HNRNPLL: variants seen among roughly 807,000 people sequenced by gnomAD.
HNRNPLL encodes the protein heterogeneous nuclear ribonucleoprotein L-like.
A neutral mutation model predicts 67.1 loss-of-function variants in HNRNPLL; 25 were observed. That is an observed-to-expected ratio of 0.37 (90% CI 0.27 to 0.52). The LOEUF (loss-of-function observed/expected upper bound fraction) is 0.52, where lower values mean the gene tolerates loss of function less well. Among genes scored for constraint, HNRNPLL ranks in the 20% least tolerant of loss-of-function variants. HNRNPLL has a pLI of 0.90. For synonymous variants in HNRNPLL, 267 were observed against 241.7 expected, an observed-to-expected ratio of 1.10 and a Z score of -0.97; for missense variants, 542 against 673.9, an observed-to-expected ratio of 0.80 and a Z score of 2.17.
At chr2:38,574,299 A>T (rs925353480) in intron 7 of HNRNPLL, among the ~76,000 whole-genome samples, 1 of 151,822 alleles carries the variant, frequency 6.6e-6, no homozygotes, top group African/African-American at 2.4e-5. Flanking sequence ...TTTTACAGCA[A>T]TAAGAAGAAA....
Position 38,591,610 on chromosome 2 carries a change from G to T in HNRNPLL, c.228C>A (p.Pro76=). 2 of 1,613,422 alleles carry T rather than the reference G, an allele frequency of 1.2e-6. No individual in the cohort carries two copies. Among genetic ancestry groups the T allele is most frequent in the South Asian group, 1.1e-5 (1 of 91,062 alleles). Residue 76 remains proline, a synonymous_variant, in exon 2 of 13, where the codon CCC becomes CCA. Transcript: ENST00000449105. ...GGSHHKVSVS[P]VVHVRGLCES... ...CACAGAGTCCTCGAACATGGACGAC[G>T]GGTGAAACAGAAACTTTATGATGAC... is the stretch of plus-strand genomic sequence containing the variant.
intron 7 of HNRNPLL, among the ~76,000 whole-genome samples, chr2:38,575,544 G>T (rs1207996451): frequency 5.3e-5 from 8 of 151,722 alleles, no homozygotes; most frequent in Non-Finnish European, 1.2e-4. Flanking sequence ...CATTAAGTCT[G>T]GGCTTCCCAA....
At chr2:38,592,939 TTTTC>T (rs1307338995) in intron 1 of HNRNPLL, among the ~76,000 whole-genome samples, 2 of 152,210 alleles carry the variant, frequency 1.3e-5, no homozygotes, top group African/African-American at 4.8e-5. Context: ...ACTCACCAAT[TTTTC>T]TTTATTATAA....
chr2:38,599,819 A>G (rs569627710), intron 1 of HNRNPLL: 1 of 459,350 alleles, frequency 2.2e-6, no homozygotes, highest in Non-Finnish European at 4.5e-6. Flanking sequence ...AAACCAAGCA[A>G]TGTAAATCTT....
chr2:38,576,758 G>A (rs1400435550), intron 7 of HNRNPLL, among the ~76,000 whole-genome samples: 1 of 151,804 alleles, frequency 6.6e-6, no homozygotes, highest in East Asian at 1.9e-4. Context: ...ATAGTATTGT[G>A]CTTCAACTTT....
chr2:38,571,516 C>G (rs1262427291), intron 8 of HNRNPLL, among the ~76,000 whole-genome samples: 1 of 152,110 alleles, frequency 6.6e-6, no homozygotes, highest in African/African-American at 2.4e-5. Flanking sequence ...CTTCAACTAC[C>G]CACTTTAATA....
At chr2:38,576,847 G>T (rs1666318838) in intron 7 of HNRNPLL, among the ~76,000 whole-genome samples, 1 of 151,860 alleles carries the variant, frequency 6.6e-6, no homozygotes, top group Non-Finnish European at 1.5e-5. Context: ...CTAGTTAAAA[G>T]ATTCTACTTA....
chr2:38,573,576 T>C, intron 7 of HNRNPLL, 149 bp from the exon 8 acceptor site: 1 of 612,340 alleles, frequency 1.6e-6, no homozygotes, highest in South Asian at 2.1e-5. Flanking sequence ...TGTATGAATA[T>C]TTCAGTATAA....
intron 7 of HNRNPLL, among the ~76,000 whole-genome samples, chr2:38,577,180 C>CT (rs1461886931): frequency 6.6e-6 from 1 of 151,856 alleles, no homozygotes; most frequent in Non-Finnish European, 1.5e-5. Flanking sequence ...CTCTTACAAG[C>CT]CAGAACCCAT....
intron 6 of HNRNPLL, among the ~76,000 whole-genome samples, chr2:38,577,760 G>A (rs1159432211): frequency 6.6e-6 from 1 of 151,856 alleles, no homozygotes; most frequent in Non-Finnish European, 1.5e-5. Flanking sequence ...TATCTTTTTG[G>A]CAAATGCCAA....
At chr2:38,574,815 T>G (rs1438294083) in intron 7 of HNRNPLL, among the ~76,000 whole-genome samples, 1 of 151,924 alleles carries the variant, frequency 6.6e-6, no homozygotes, top group Non-Finnish European at 1.5e-5. Flanking sequence ...ACAATCCATA[T>G]GAGCGACTGT....
In HNRNPLL at chr2:38,568,249, T is replaced by C; in HGVS notation, c.1523A>G (p.Asp508Gly). The change falls in exon 12 of 13, where the codon GAT becomes GGT. Residue 508 changes from aspartate to glycine, a missense_variant. Around this residue, in one of 2 missense-constraint regions of HNRNPLL, gnomAD observed 415 missense variants for 575.2 expected, o/e 0.72. Transcript: ENST00000449105. ...SGLLEWECKT[D>G]AVEALTALNH... The stretch of plus-strand genomic sequence containing the variant: ...CAGTGCCGTAAGGGCTTCTACTGCA[T>C]CAGTTTTGCACTCCCATTCTAATAG... 6.2e-7 allele frequency: 1 copy of C among 1,613,702 alleles called. No homozygotes were observed. The highest frequency in any genetic ancestry group is 8.5e-7 in the Non-Finnish European group (1 of 1,179,746).
At chr2:38,599,425 A>G (rs1340535352) in intron 1 of HNRNPLL, among the ~76,000 whole-genome samples, 2 of 152,212 alleles carry the variant, frequency 1.3e-5, no homozygotes, top group Non-Finnish European at 2.9e-5. Flanking sequence ...CAGAAACTTA[A>G]TATGATCTTG....
intron 2 of HNRNPLL, among the ~76,000 whole-genome samples, chr2:38,590,912 G>T (rs1312903373): frequency 2.6e-5 from 4 of 152,110 alleles, no homozygotes; most frequent in African/African-American, 9.7e-5. Flanking sequence ...GGATAAAATG[G>T]GAGGATAACC....
chr2:38,568,418 G>T lies in HNRNPLL; in HGVS notation c.1442C>A (p.Thr481Lys), dbSNP rs770378810. 7 of 1,607,034 alleles carry T rather than the reference G, an allele frequency of 4.4e-6. No individual in the cohort carries two copies. The South Asian group carries it at 4.4e-5, about 10-fold the overall frequency. The part of the protein sequence containing the change: ...TKLCNDHEVL[T>K]FIKYKVFDAK... ...ATCAAACACTTTATATTTGATGAAT[G>T]TAAGAACTTCATGGTCATTACACAA... Residue 481 changes from threonine to lysine, a missense_variant, in exon 11 of 13, where the codon ACA becomes AAA. Thr to Lys is a moderately conservative substitution (Grantham distance 78). Coordinates refer to ENST00000449105, the MANE Select transcript of HNRNPLL (RefSeq NM_138394.4).
At position 38,586,045 on chromosome 2, in the gene HNRNPLL, G is replaced by A. The variant is rs569388676; in HGVS notation, c.309-164C>T. 2.2e-3 allele frequency among the ~76,000 whole-genome samples: 320 copies of A among 147,156 alleles called. 1 individual carries two copies. The highest frequency in any genetic ancestry group is 3.8e-3 in the Non-Finnish European group (253 of 67,322). ...GTCAACTTTTTTTTTTTTTTGAGAC[G>A]GAGTCTTTCTCTGTCGCCCAGGCTG... On this transcript the variant is annotated intron_variant, in intron 2 of 12. Coordinates refer to ENST00000449105, the MANE Select transcript of HNRNPLL (RefSeq NM_138394.4).
intron 1 of HNRNPLL, among the ~76,000 whole-genome samples, chr2:38,601,367 G>A (rs1340629022): frequency 6.6e-6 from 1 of 152,046 alleles, no homozygotes; most frequent in Non-Finnish European, 1.5e-5. Context: ...ATTTTTAAAA[G>A]GTAAGGTAAA....
At position 38,569,121 on chromosome 2, in the gene HNRNPLL, T is replaced by A. The variant is rs1449062410; in HGVS notation, c.1416+12A>T. On this transcript the variant is annotated intron_variant, in intron 10 of 12. Coordinates refer to ENST00000449105, the MANE Select transcript of HNRNPLL (RefSeq NM_138394.4). ...AGCAACATTCTATACACATTTGTAT[T>A]TCAGTGCCTACCTTTGTGAAGGTCT... is the stretch of plus-strand genomic sequence containing the variant. 1.3e-6 allele frequency: 2 copies of A among 1,555,180 alleles called. No individual in the cohort carries two copies. Among genetic ancestry groups the A allele is most frequent in the Non-Finnish European group, 1.8e-6 (2 of 1,126,450 alleles).
In HNRNPLL at chr2:38,602,891, C is replaced by T. The variant is rs1229086766; in HGVS notation, c.-265G>A. On this transcript the variant is annotated 5_prime_UTR_variant, in exon 1 of 13. Coordinates refer to ENST00000449105, the MANE Select transcript of HNRNPLL (RefSeq NM_138394.4). ...ATTCAGCCTCTCCCTCCTCCTCCTCCGTCTCCGCTCCCTGCCCGGAGGAGC... is the reference window on the plus strand; with the variant it reads ...ATTCAGCCTCTCCCTCCTCCTCCTCTGTCTCCGCTCCCTGCCCGGAGGAGC... 6.5e-6 allele frequency: 10 copies of T among 1,547,454 alleles called. No individual in the cohort carries two copies. The East Asian group carries it at 7.4e-5, about 11-fold the overall frequency.
Sources: allele counts gnomAD v4.1 joint callset (sites outside exome capture counted in the v4.1 genomes callset), GRCh38; gene constraint gnomAD v4.1.1; regional missense constraint gnomAD v4.1.1; transcripts MANE v1.5; gene names NCBI Gene and HGNC (gene_info 2026-07-23, HGNC 2026-07-21).